The following USP16 variants were observed in gnomAD, a reference collection of about 807,000 sequenced individuals.
USP16 encodes the protein ubiquitin carboxyl-terminal hydrolase 16.
Under a neutral mutation model 95.9 loss-of-function variants are expected in USP16, and 77 were observed. That is an observed-to-expected ratio of 0.80 (90% confidence interval 0.67 to 0.97). The LOEUF is 0.97. Among genes scored for constraint, USP16 ranks in the 50% least tolerant of loss-of-function variants. The pLI is 0.00. For synonymous variants in USP16, 303 were observed against 318.2 expected, an observed-to-expected ratio of 0.95 and a Z score of 0.51; for missense variants, 943 against 959.9, an observed-to-expected ratio of 0.98 and a Z score of 0.23.
rs1461898280 is a variant in USP16, at chr21:29,024,719, G to A, written c.-100G>A. The A allele has an allele frequency of 7.8e-7, 1 of 1,289,410 alleles. No individual in the cohort carries two copies. 79.9% of individuals were successfully genotyped at this position (1,289,410 alleles called of 1,614,324 possible). A position where few individuals can be genotyped will look rare whatever the true frequency, so the allele number is the denominator to read the frequency against. On this transcript the variant is annotated 5_prime_UTR_variant, in exon 1 of 18. Transcript: ENST00000399976. ...AATTCGTCACCAGGAGGAAGACGGA[G>A]CTGGCTGCCCAGCCCAAAGGCCCAT...
chr21:29,053,659 GGAGAAAAGAGTAGAC>G lies in USP16; in HGVS notation c.2194-142_2194-128del, dbSNP rs2085450150. 3.9e-6 allele frequency: 3 copies of G among 761,252 alleles called. No individual in the cohort carries two copies. The African/African-American group carries it at 5.3e-5, about 13-fold the overall frequency. 47.2% of individuals were successfully genotyped at this position (761,252 alleles called of 1,614,324 possible). ...AGTGTCTCAGGCTGAGAAGAGGTAT[GGAGAAAAGAGTAGAC>G]TCATGAATGATTTCTGCACTCTCAA... On this transcript the variant is annotated intron_variant, in intron 16 of 17. Coordinates refer to ENST00000399976, the MANE Select transcript of USP16 (RefSeq NM_006447.3).
Position 29,054,338 on chromosome 21 carries a change from A to G in USP16, c.*151A>G. 3 of 1,024,472 alleles carry G rather than the reference A, an allele frequency of 2.9e-6. No homozygotes were observed. The highest frequency in any genetic ancestry group is 3.0e-5 in the Admixed American group (1 of 33,798). The allele number at this position is 1,024,472 out of a possible 1,614,324, so 63.5% of individuals were successfully genotyped here. On this transcript the variant is annotated 3_prime_UTR_variant, in exon 18 of 18. Coordinates refer to ENST00000399976, the MANE Select transcript of USP16 (RefSeq NM_006447.3). Reference sequence around the variant, plus strand: ...TTATTTAAATATTGAAGGGAAAAATACCTAAAAATGTACAAAGGTTTTATA... The same window carrying G: ...TTATTTAAATATTGAAGGGAAAAATGCCTAAAAATGTACAAAGGTTTTATA...
At chr21:29,043,686 G>A in intron 13 of USP16, 87 bp downstream of exon 13, 1 of 1,236,586 alleles carries the variant, frequency 8.1e-7, no homozygotes, top group African/African-American at 1.5e-5. Flanking sequence ...GGTTAGACAT[G>A]TCTGTTATTT....
At chr21:29,039,207 A>G (rs2085207324) in intron 8 of USP16, 51 bp downstream of exon 8, 1 of 1,356,584 alleles carries the variant, frequency 7.4e-7, no homozygotes, top group Admixed American at 2.9e-5. Flanking sequence ...GATGCTGAGA[A>G]ATAATATTAA....
Position 29,047,283 on chromosome 21 carries a change from C to T in USP16, c.1973C>T (p.Thr658Ile), listed in dbSNP as rs1018537436. Residue 658 changes from threonine to isoleucine, a missense_variant, in exon 14 of 18, where the codon ACA becomes ATA. By Grantham distance (89) the Thr-to-Ile change is moderately conservative. Coordinates refer to ENST00000399976, the MANE Select transcript of USP16 (RefSeq NM_006447.3). ...DANKLLCEVCTRRQCNGPKAN... is the reference protein window; with the variant it reads ...DANKLLCEVCIRRQCNGPKAN... ...AATAAACTGCTTTGTGAAGTATGCACACGGAGACAGTGTAATGGACCAAAG... is the reference window on the plus strand; with the variant it reads ...AATAAACTGCTTTGTGAAGTATGCATACGGAGACAGTGTAATGGACCAAAG... The T allele has an allele frequency of 4.3e-6, 7 of 1,613,602 alleles. No individual in the cohort carries two copies. The highest frequency in any genetic ancestry group is 5.9e-6 in the Non-Finnish European group (7 of 1,179,764).
At chr21:29,044,997 C>T (rs529607902) in intron 13 of USP16, among the ~76,000 whole-genome samples, 2 of 152,238 alleles carry the variant, frequency 1.3e-5, no homozygotes, top group African/African-American at 2.4e-5. Context: ...TGACCCTTGA[C>T]AGCTGTGTGT....
In USP16 at chr21:29,030,615, A is replaced by C. The variant is rs752911766; in HGVS notation, c.82A>C (p.Arg28=). ...ETLEPVCRHI[R]KGLEQGNLKK... The stretch of plus-strand genomic sequence containing the variant: ...AATAGAACCTGTGTGCAGACACATT[A>C]GAAAAGGATTGGAACAAGGTAATTT... The change falls in exon 3 of 18, where the codon AGA becomes CGA. Residue 28 remains arginine, a synonymous_variant. Transcript: ENST00000399976. The C allele has an allele frequency of 6.2e-7, 1 of 1,608,248 alleles. No individual in the cohort carries two copies. The highest frequency in any genetic ancestry group is 1.1e-5 in the South Asian group (1 of 89,618).
chr21:29,053,571 A>G (rs957197399), intron 16 of USP16: 4 of 424,500 alleles, frequency 9.4e-6, no homozygotes, highest in African/African-American at 4.0e-5. Context: ...AACTGCATCA[A>G]GTGGCCTGTG....
rs2085391925 is a variant in USP16, at chr21:29,050,119, A to C, written c.2134A>C (p.Lys712Gln). Residue 712 changes from lysine to glutamine, a missense_variant, in exon 16 of 18, where the codon AAA (lysine) becomes CAA (glutamine). Lys to Gln is a moderately conservative substitution (Grantham distance 53). Transcript: ENST00000399976. The stretch of plus-strand genomic sequence containing the variant: ...TGGTTTTAACCTACGCAAAGTTAAC[A>C]AACACATAAAGTTTCCGGAAATCTT... ...QAGFNLRKVN[K>Q]HIKFPEILDL... 1.2e-6 allele frequency: 2 copies of C among 1,613,652 alleles called. No homozygotes were observed. Among genetic ancestry groups the C allele is most frequent in the Non-Finnish European group, 1.7e-6 (2 of 1,179,880 alleles).
At chr21:29,039,302 G>A (rs989780547) in intron 8 of USP16, 146 bp downstream of exon 8, 1 of 1,132,176 alleles carries the variant, frequency 8.8e-7, no homozygotes, top group African/African-American at 1.6e-5. Flanking sequence ...TTTTTCATTT[G>A]GATTTTAAAA....
intron 4 of USP16, among the ~76,000 whole-genome samples, chr21:29,035,760 CA>C (rs890459265): frequency 5.4e-5 from 8 of 149,526 alleles, no homozygotes; most frequent in African/African-American, 1.5e-4. Flanking sequence ...ACTAAAAATA[CA>C]AAAAAAAAGT....
chr21:29,037,416 G>T lies in USP16; in HGVS notation c.589G>T (p.Gly197Ter). Residue 197 changes from glycine (G) to a stop codon, truncating the protein, a stop_gained, in exon 6 of 18, where the codon GGA becomes TGA. Coordinates refer to ENST00000399976, the MANE Select transcript of USP16 (RefSeq NM_006447.3). LOFTEE classifies it high-confidence loss of function. ...MNSPCQITVK[G>*]LSNLGNTCFF... ...TTCTCCTTGCCAAATAACCGTGAAAGGACTCAGTAATTTGGGAAACACATG... is the reference window on the plus strand; with the variant it reads ...TTCTCCTTGCCAAATAACCGTGAAATGACTCAGTAATTTGGGAAACACATG... 6.2e-7 allele frequency: 1 copy of T among 1,603,094 alleles called. No individual in the cohort carries two copies. Among genetic ancestry groups the T allele is most frequent in the Non-Finnish European group, 8.5e-7 (1 of 1,176,560 alleles).
At chr21:29,034,050 T>A (rs547747916) in intron 3 of USP16, among the ~76,000 whole-genome samples, 1 of 152,240 alleles carries the variant, frequency 6.6e-6, no homozygotes, top group South Asian at 2.1e-4. Flanking sequence ...TGGAGAGATA[T>A]GTCGGGGTCA....
intron 2 of USP16, among the ~76,000 whole-genome samples, chr21:29,029,180 A>G (rs996339968): frequency 6.6e-5 from 10 of 152,344 alleles, no homozygotes; most frequent in East Asian, 5.8e-4. Flanking sequence ...CTGGGAGGCC[A>G]AGGCGGGCAG....
intron 16 of USP16, among the ~76,000 whole-genome samples, chr21:29,050,702 T>C (rs547739455): frequency 6.6e-6 from 1 of 152,274 alleles, no homozygotes; most frequent in Admixed American, 6.5e-5. Flanking sequence ...CGTATGTAGT[T>C]CTAGAGTTTA....
In USP16 at chr21:29,024,683, C is replaced by G; in HGVS notation, c.-136C>G. 7.8e-7 allele frequency: 1 copy of G among 1,287,614 alleles called. No individual in the cohort carries two copies. 79.8% of individuals were successfully genotyped at this position (1,287,614 alleles called of 1,614,324 possible). A position where few individuals can be genotyped will look rare whatever the true frequency, so the allele number is the denominator to read the frequency against. ...TCCAGGGGTCACTCTGGCTTCGACTCCGTCGCTCTCAATTCGTCACCAGGA... is the reference window on the plus strand; with the variant it reads ...TCCAGGGGTCACTCTGGCTTCGACTGCGTCGCTCTCAATTCGTCACCAGGA... On this transcript the variant is annotated 5_prime_UTR_variant, in exon 1 of 18. Coordinates refer to ENST00000399976, the MANE Select transcript of USP16 (RefSeq NM_006447.3).
intron 12 of USP16, 150 bp from the exon 13 acceptor site, chr21:29,043,273 A>T (rs887611239): frequency 1.9e-6 from 1 of 538,788 alleles, no homozygotes; most frequent in African/African-American, 2.0e-5. Flanking sequence ...TATGAGATAA[A>T]CGAATTTTGT....
In USP16 at chr21:29,047,208, T is replaced by C. The variant is rs2085339758; in HGVS notation, c.1898T>C (p.Ile633Thr). 1 of 1,614,138 alleles carries C rather than the reference T, an allele frequency of 6.2e-7. No homozygotes were observed. Among genetic ancestry groups the C allele is most frequent in the Non-Finnish European group, 8.5e-7 (1 of 1,180,016 alleles). The change falls in exon 14 of 18, where the codon ATC becomes ACC. Residue 633 changes from isoleucine to threonine, a missense_variant. By Grantham distance (89) the Ile-to-Thr change is moderately conservative. Coordinates refer to ENST00000399976, the MANE Select transcript of USP16 (RefSeq NM_006447.3). ...REVFNTDECS[I>T]QHCLYQFTRN... Reference sequence around the variant, plus strand: ...GTTTTCAATACTGATGAGTGTTCAATCCAACATTGTTTATATCAGTTCACC... The same window carrying C: ...GTTTTCAATACTGATGAGTGTTCAACCCAACATTGTTTATATCAGTTCACC...
chr21:29,038,536 G>C (rs971784943), intron 7 of USP16, 106 bp downstream of exon 7: 16 of 931,398 alleles, frequency 1.7e-5, no homozygotes, highest in Non-Finnish European at 2.5e-5. Flanking sequence ...TGTTTGTTTT[G>C]TTTTACTTTA....
Sources: gnomAD v4.1 joint callset for allele counts (sites outside exome capture counted in the v4.1 genomes callset) on GRCh38, gnomAD v4.1.1 for gene constraint, MANE v1.5 for transcripts, NCBI Gene and HGNC (gene_info 2026-07-23, HGNC 2026-07-21) for gene names.